Variants in ANKRD31 observed in about 807,000 individuals in gnomAD.
ANKRD31 encodes the protein ankyrin repeat domain-containing protein 31.
A neutral mutation model predicts 186.0 loss-of-function variants in ANKRD31; 147 were observed. The observed-to-expected ratio is 0.79, with a 90% CI of 0.69 to 0.91. ANKRD31 has a LOEUF of 0.91. Among genes scored for constraint, ANKRD31 ranks in the 40% least tolerant of loss-of-function variants. The pLI, the probability that ANKRD31 is intolerant of heterozygous loss-of-function variation, is 0.00. For missense variants in ANKRD31, 1,986 were observed against 2,148.8 expected, an observed-to-expected ratio of 0.92 and a Z score of 1.50; for synonymous variants, 673 against 736.4, an observed-to-expected ratio of 0.91 and a Z score of 1.39.
rs149039634 is a variant in ANKRD31, at chr5:75,075,642, T to A, written c.5647+4926A>T. Among the ~76,000 whole-genome samples, 845 of 152,260 alleles carry A rather than the reference T, an allele frequency of 5.5e-3. 12 individuals are homozygous for A. Among genetic ancestry groups the A allele is most frequent in the Middle Eastern group, 0.021 (6 of 292 alleles). ...TTCACCACCAATCCAACCATACCCTTACTTTAGCCCTTAAAACTACTCCCA... is the reference window on the plus strand; with the variant it reads ...TTCACCACCAATCCAACCATACCCTAACTTTAGCCCTTAAAACTACTCCCA... On this transcript the variant is annotated intron_variant, in intron 25 of 25. Coordinates refer to ENST00000506364, the MANE Select transcript of ANKRD31 (RefSeq NM_001372053.1).
At chr5:75,097,577 AT>A (rs1422802485) in intron 22 of ANKRD31, among the ~76,000 whole-genome samples, 4 of 152,078 alleles carry the variant, frequency 2.6e-5, no homozygotes, top group Admixed American at 6.5e-5. Flanking sequence ...AGATGGGTAG[AT>A]TGTAAAAATG....
intron 13 of ANKRD31, 117 bp downstream of exon 13, chr5:75,148,459 C>G: frequency 1.5e-6 from 1 of 668,182 alleles, no homozygotes; most frequent in Non-Finnish European, 2.3e-6. Flanking sequence ...GTCTTAAAAG[C>G]AAATGTGAAG....
chr5:75,092,980 C>A (rs957230013), intron 22 of ANKRD31, among the ~76,000 whole-genome samples: 3 of 151,926 alleles, frequency 2.0e-5, no homozygotes, highest in African/African-American at 4.8e-5. Context: ...AAAACATTTA[C>A]CAAAGAGGCT....
At chr5:75,080,108 A>G (rs912366778) in intron 25 of ANKRD31, among the ~76,000 whole-genome samples, 1 of 152,080 alleles carries the variant, frequency 6.6e-6, no homozygotes, top group Non-Finnish European at 1.5e-5. Context: ...AAAAAAAAAA[A>G]GAAACAGTAA....
chr5:75,157,434 A>G (rs991464947), intron 11 of ANKRD31, among the ~76,000 whole-genome samples: 1 of 152,188 alleles, frequency 6.6e-6, no homozygotes, highest in African/African-American at 2.4e-5. Context: ...AGATAAATTG[A>G]AGAAAGAACT....
At chr5:75,172,504 GAAGAA>G (rs1753415799) in intron 10 of ANKRD31, among the ~76,000 whole-genome samples, 1 of 151,784 alleles carries the variant, frequency 6.6e-6, no homozygotes, top group Admixed American at 6.6e-5. Context: ...GACTGATAAA[GAAGAA>G]AAGAGAGATG....
At chr5:75,205,853 C>T (rs1300391083) in intron 5 of ANKRD31, among the ~76,000 whole-genome samples, 2 of 151,978 alleles carry the variant, frequency 1.3e-5, no homozygotes, top group African/African-American at 2.4e-5. Context: ...GACAGCTATC[C>T]TCTAATACAG....
At chr5:75,125,851 C>T (rs896459959) in intron 17 of ANKRD31, among the ~76,000 whole-genome samples, 3 of 151,860 alleles carry the variant, frequency 2.0e-5, no homozygotes, top group Non-Finnish European at 2.9e-5. Context: ...GCCTGAGGGC[C>T]GAAGAGATTG....
intron 17 of ANKRD31, among the ~76,000 whole-genome samples, chr5:75,124,433 A>T (rs1015784190): frequency 2.6e-5 from 4 of 152,200 alleles, no homozygotes; most frequent in Non-Finnish European, 5.9e-5. Context: ...ACTACTGGGT[A>T]TATACCCACA....
At chr5:75,090,127 A>G (rs565469785) in intron 23 of ANKRD31, among the ~76,000 whole-genome samples, 1 of 152,358 alleles carries the variant, frequency 6.6e-6, no homozygotes, top group South Asian at 2.1e-4. Flanking sequence ...TGTAACAAAA[A>G]GGGATTTTCA....
intron 2 of ANKRD31, among the ~76,000 whole-genome samples, chr5:75,228,708 T>C (rs1325279681): frequency 2.0e-5 from 3 of 152,012 alleles, no homozygotes; most frequent in Non-Finnish European, 4.4e-5. Flanking sequence ...CATGATATAA[T>C]TTTATATTTT....
At chr5:75,148,849 G>A (rs577034574) in intron 12 of ANKRD31, among the ~76,000 whole-genome samples, 7 of 151,866 alleles carry the variant, frequency 4.6e-5, no homozygotes, top group Non-Finnish European at 7.4e-5. Context: ...GGAAAGCAGA[G>A]CAGATCTAAC....
At chr5:75,150,187 T>C (rs1751748609) in intron 12 of ANKRD31, among the ~76,000 whole-genome samples, 1 of 151,844 alleles carries the variant, frequency 6.6e-6, no homozygotes, top group Non-Finnish European at 1.5e-5. Context: ...ATAAGAAAAT[T>C]AGGAATGTTA....
intron 2 of ANKRD31, among the ~76,000 whole-genome samples, chr5:75,229,334 A>G (rs1757808606): frequency 6.6e-6 from 1 of 152,178 alleles, no homozygotes; most frequent in Non-Finnish European, 1.5e-5. Context: ...ACTTTTACAA[A>G]TAGACGGGTT....
At chr5:75,073,868 T>G (rs538518256) in intron 25 of ANKRD31, among the ~76,000 whole-genome samples, 3 of 152,114 alleles carry the variant, frequency 2.0e-5, no homozygotes, top group Non-Finnish European at 4.4e-5. Flanking sequence ...TTTTAAAAAA[T>G]TTTTTTTAAA....
chr5:75,089,796 CA>C (rs1745792597), intron 23 of ANKRD31, among the ~76,000 whole-genome samples: 1 of 152,196 alleles, frequency 6.6e-6, no homozygotes. Flanking sequence ...CATGTGGCTT[CA>C]CTATCACATA....
intron 12 of ANKRD31, among the ~76,000 whole-genome samples, chr5:75,153,824 G>C (rs551720349): frequency 6.6e-6 from 1 of 152,186 alleles, no homozygotes; most frequent in South Asian, 2.1e-4. Context: ...AAAAAGTATA[G>C]CCATAAGAAA....
intron 15 of ANKRD31, among the ~76,000 whole-genome samples, chr5:75,142,708 A>G (rs981974345): frequency 1.3e-5 from 2 of 152,110 alleles, no homozygotes; most frequent in African/African-American, 4.8e-5. Flanking sequence ...GGTGAGGGGA[A>G]TGTGGCAGAA....
intron 2 of ANKRD31, 107 bp from the exon 3 acceptor site, chr5:75,222,465 G>T: frequency 1.3e-6 from 1 of 762,228 alleles, no homozygotes; most frequent in Non-Finnish European, 2.0e-6. Flanking sequence ...GAATCATCTA[G>T]TATATTATTT....
Sources: allele counts gnomAD v4.1 joint callset (sites outside exome capture counted in the v4.1 genomes callset), GRCh38; gene constraint gnomAD v4.1.1; transcripts MANE v1.5; gene names NCBI Gene and HGNC (gene_info 2026-07-23, HGNC 2026-07-21).